Variants in GSN observed in about 807,000 individuals in gnomAD.
GSN encodes actin-depolymerizing factor.
GSN carries 56 observed loss-of-function variants against 85.7 expected under a neutral mutation model. That is an observed-to-expected ratio of 0.65 (90% CI 0.53 to 0.82). The LOEUF (loss-of-function observed/expected upper bound fraction) is 0.82, where lower values mean the gene tolerates loss of function less well. GSN is among the 40% of genes least tolerant of loss of function. The pLI, the probability that GSN is intolerant of heterozygous loss-of-function variation, is 0.00. For synonymous variants in GSN, 373 were observed against 399.1 expected (o/e 0.93, Z 0.78); for missense variants, 857 against 979.8 (o/e 0.87, Z 1.67).
chr9:121,210,570 T>A (rs2053953176), intron 3 of GSN, among the ~76,000 whole-genome samples: 1 of 152,192 alleles, frequency 6.6e-6, no homozygotes, highest in South Asian at 2.1e-4. Flanking sequence ...GCCTTCTCTT[T>A]GCCTCAGTTT....
chr9:121,272,145 T>C (rs568282722), intron 1 of GSN, among the ~76,000 whole-genome samples: 1 of 152,328 alleles, frequency 6.6e-6, no homozygotes, highest in South Asian at 2.1e-4. Flanking sequence ...TGATGTGGTT[T>C]GTGAAGTTGG....
chr9:121,276,858 G>A (rs2056744696), intron 1 of GSN, among the ~76,000 whole-genome samples: 1 of 151,974 alleles, frequency 6.6e-6, no homozygotes, highest in Non-Finnish European at 1.5e-5. Context: ...GAGTTAATGA[G>A]TGCAGCACAC....
Position 121,332,391 on chromosome 9 carries a change from T to C in GSN, c.2027-43T>C, listed in dbSNP as rs1369145878. On this transcript the variant is annotated intron_variant, in intron 17 of 17. Coordinates refer to ENST00000432226, the MANE Select transcript of GSN (RefSeq NM_198252.3). This position sits in a 1 kb window ranked among gnomAD's most constrained non-coding sequence, Gnocchi z 4.8. ...ACCCTCTCCCTGGTGTGGGAGGCAC[T>C]AAGAATTCCTGGGGTTTCCTTTTCT... 1 of 1,586,238 alleles carries C rather than the reference T, an allele frequency of 6.3e-7. No homozygotes were observed. Among genetic ancestry groups the C allele is most frequent in the African/African-American group, 1.3e-5 (1 of 74,374 alleles).
intron 16 of GSN, 107 bp from the exon 17 acceptor site, chr9:121,331,281 G>A: frequency 1.4e-6 from 1 of 735,184 alleles, no homozygotes; most frequent in Non-Finnish European, 2.5e-6. Context: ...CTGTTAGAAA[G>A]GGGAGGGCTT....
intron 4 of GSN, among the ~76,000 whole-genome samples, chr9:121,212,361 G>T (rs1272520001): frequency 1.3e-5 from 2 of 152,086 alleles, no homozygotes; most frequent in Non-Finnish European, 2.9e-5. Context: ...TAGGTATGGT[G>T]GTCCCTAGTT....
At chr9:121,300,926 G>A (rs551074042) in intron 2 of GSN, among the ~76,000 whole-genome samples, 1 of 152,264 alleles carries the variant, frequency 6.6e-6, no homozygotes, top group South Asian at 2.1e-4. Context: ...ACCTCGATTT[G>A]CGAGTGCACC....
chr9:121,228,424 A>ATATT (rs1315548268), intron 4 of GSN, among the ~76,000 whole-genome samples: 2 of 48,120 alleles, frequency 4.2e-5, no homozygotes, highest in Non-Finnish European at 3.6e-5. Flanking sequence ...ATATATATAT[A>ATATT]TTTTTTTTTT....
intron 2 of GSN, among the ~76,000 whole-genome samples, chr9:121,290,609 AG>A (rs1324544593): frequency 1.3e-5 from 2 of 152,226 alleles, no homozygotes; most frequent in African/African-American, 4.8e-5. Flanking sequence ...GAATACATTT[AG>A]ATAGTAAAAA....
chr9:121,221,663 C>T (rs2054172476), intron 4 of GSN, among the ~76,000 whole-genome samples: 1 of 152,188 alleles, frequency 6.6e-6, no homozygotes, highest in African/African-American at 2.4e-5. Flanking sequence ...CTCCCCTCTT[C>T]AGGCCTGTTT....
At chr9:121,286,859 C>A in intron 2 of GSN, 1 of 969,590 alleles carries the variant, frequency 1.0e-6, no homozygotes, top group Non-Finnish European at 1.6e-6. Context: ...TGGGCTGAAC[C>A]TCTCTGAGCT....
At chr9:121,293,358 C>A (rs945466403) in intron 2 of GSN, among the ~76,000 whole-genome samples, 1 of 152,058 alleles carries the variant, frequency 6.6e-6, no homozygotes, top group African/African-American at 2.4e-5. Context: ...CACCACTGGG[C>A]AGCTCATTAT....
intron 5 of GSN, among the ~76,000 whole-genome samples, chr9:121,233,925 C>A (rs1164915065): frequency 6.6e-6 from 1 of 152,206 alleles, no homozygotes; most frequent in Admixed American, 6.5e-5. Context: ...AAACCCCAGA[C>A]AATAATGCCT....
intron 4 of GSN, chr9:121,308,482 C>G (rs1428045971): frequency 6.6e-6 from 1 of 152,188 alleles, no homozygotes; most frequent in African/African-American, 2.4e-5. Flanking sequence ...GAGTTCGAGA[C>G]CAGCCTGGCC....
At chr9:121,245,375 G>A (rs1373054093) in intron 5 of GSN, among the ~76,000 whole-genome samples, 1 of 151,898 alleles carries the variant, frequency 6.6e-6, no homozygotes, top group Non-Finnish European at 1.5e-5. Flanking sequence ...CTTTCATTTT[G>A]AGTCAGGGTC....
intron 2 of GSN, chr9:121,210,211 C>G (rs1423534182): frequency 6.6e-6 from 1 of 152,254 alleles, no homozygotes. Context: ...AACTACTTCC[C>G]TGTTCCACAC....
chr9:121,300,768 G>T (rs1433318105), intron 2 of GSN, among the ~76,000 whole-genome samples: 6 of 152,156 alleles, frequency 3.9e-5, no homozygotes, highest in Admixed American at 3.9e-4. Flanking sequence ...AAATTTGGGG[G>T]TGGTGTGTTG....
At position 121,319,266 on chromosome 9, in the gene GSN, C is replaced by T. The variant is rs10985205; in HGVS notation, c.1191+386C>T. Among the ~76,000 whole-genome samples the T allele has an allele frequency of 3.0e-3, 456 of 152,160 alleles. 1 individual carries two copies. Among genetic ancestry groups the T allele is most frequent in the Middle Eastern group, 0.017 (5 of 292 alleles). On this transcript the variant is annotated intron_variant, in intron 10 of 17. Transcript: ENST00000432226. ...CAGAGGAGGAGTAGAGCTTTGCTGC[C>T]GGAGAGGAAGAGCGGAGAGTGATGG...
At chr9:121,268,143 C>T (rs1490197648), upstream of GSN, 2 of 151,644 alleles carry the variant, frequency 1.3e-5, no homozygotes, top group Admixed American at 1.3e-4. Flanking sequence ...CGCACCACAA[C>T]GCCCCCGCCC....
At position 121,318,471 on chromosome 9, in the gene GSN, A is replaced by T; in HGVS notation, c.952A>T (p.Met318Leu). 6.2e-7 allele frequency: 1 copy of T among 1,613,844 alleles called. No individual in the cohort carries two copies. Among genetic ancestry groups the T allele is most frequent in the South Asian group, 1.1e-5 (1 of 91,080 alleles). ...AACAGCCTCTGACTTCATCACCAAGATGGACTACCCCAAGCAGACTCAGGT... is the reference window on the plus strand; with the variant it reads ...AACAGCCTCTGACTTCATCACCAAGTTGGACTACCCCAAGCAGACTCAGGT... ...LKTASDFITKMDYPKQTQVSV... is the reference protein window; with the variant it reads ...LKTASDFITKLDYPKQTQVSV... Residue 318 changes from methionine to leucine, a missense_variant, in exon 9 of 18, where the codon ATG (methionine) becomes TTG (leucine). By Grantham distance (15) the Met-to-Leu change is conservative (BLOSUM62 2). Transcript: ENST00000432226. This position sits in a 1 kb window ranked among gnomAD's most constrained non-coding sequence, Gnocchi z 4.3.
Sources: allele counts gnomAD v4.1 joint callset (sites outside exome capture counted in the v4.1 genomes callset), GRCh38; gene constraint gnomAD v4.1.1; non-coding constraint Gnocchi (gnomAD v3.1); transcripts MANE v1.5; gene names NCBI Gene and HGNC (gene_info 2026-07-23, HGNC 2026-07-21).